Variants in CACNG2 observed in about 807,000 individuals in gnomAD.
The protein encoded by CACNG2 is calcium voltage-gated channel auxiliary subunit gamma 2.
CACNG2 carries 3 observed loss-of-function variants against 25.9 expected under a neutral mutation model. The observed-to-expected ratio is 0.12, with a 90% confidence interval of 0.05 to 0.30. The LOEUF (loss-of-function observed/expected upper bound fraction) is 0.30. CACNG2 is among the 10% of genes least tolerant of loss of function. The pLI is 1.00. For missense variants in CACNG2, 341 were observed against 432.5 expected (o/e 0.79, Z 1.88); for synonymous variants, 167 against 173.3 (o/e 0.96, Z 0.29).
chr22:36,577,373 C>T lies in CACNG2; in HGVS notation c.295+10092G>A, dbSNP rs112925809. 1.6e-3 allele frequency among the ~76,000 whole-genome samples: 246 copies of T among 152,140 alleles called. 2 individuals are homozygous for T. The highest frequency in any genetic ancestry group is 3.1e-3 in the African/African-American group (129 of 41,528). On this transcript the variant is annotated intron_variant, in intron 2 of 3. Coordinates refer to ENST00000300105, the MANE Select transcript of CACNG2 (RefSeq NM_006078.5). ...AGCCCTTAAAGAAATGAACCGGGGC[C>T]GGGCGCGGTGGTTCACACCTGTAAT...
At position 36,564,393 on chromosome 22, in the gene CACNG2, A is replaced by G; in HGVS notation, c.930T>C (p.Ser310=). The G allele has an allele frequency of 6.2e-7, 1 of 1,613,592 alleles. No homozygotes were observed. The highest frequency in any genetic ancestry group is 8.5e-7 in the Non-Finnish European group (1 of 1,179,866). The part of the protein sequence containing the change: ...HNCIQKENKD[S]LHSNTANRRT... ...GGCGGTTGGCTGTGTTGGAGTGGAG[A>G]GAGTCCTTGTTCTCCTTCTGGATAC... Residue 310 remains serine (S), a synonymous_variant, in exon 4 of 4, where the codon TCT becomes TCC. Coordinates refer to ENST00000300105, the MANE Select transcript of CACNG2 (RefSeq NM_006078.5). This position sits in a 1 kb window ranked among gnomAD's most constrained non-coding sequence, Gnocchi z 6.7.
At chr22:36,702,224 A>G (rs1179595635) in intron 1 of CACNG2, 142 bp downstream of exon 1, 4 of 653,770 alleles carry the variant, frequency 6.1e-6, no homozygotes, top group Non-Finnish European at 1.1e-5. Context: ...AAACTAACCC[A>G]ACCAACCTTG....
intron 1 of CACNG2, among the ~76,000 whole-genome samples, chr22:36,593,158 C>A (rs1356358349): frequency 6.6e-6 from 1 of 152,206 alleles, no homozygotes; most frequent in Non-Finnish European, 1.5e-5. Flanking sequence ...CCCCAGCCAG[C>A]TTCCCTGACA....
chr22:36,622,053 C>G (rs1383351986), intron 1 of CACNG2, among the ~76,000 whole-genome samples: 1 of 152,194 alleles, frequency 6.6e-6, no homozygotes, highest in East Asian at 1.9e-4. Context: ...TTCCAAACAC[C>G]ATTACAAAGA....
chr22:36,662,392 A>T (rs190124387), intron 1 of CACNG2, among the ~76,000 whole-genome samples: 1 of 151,486 alleles, frequency 6.6e-6, no homozygotes, highest in East Asian at 1.9e-4. Flanking sequence ...CAGTTCATTC[A>T]CTCCTTCATC....
intron 1 of CACNG2, among the ~76,000 whole-genome samples, chr22:36,628,480 G>A (rs966261306): frequency 1.3e-5 from 2 of 152,208 alleles, no homozygotes; most frequent in Admixed American, 1.3e-4. Context: ...CTCTCCGTAG[G>A]AGCCCCAGAA....
At chr22:36,658,623 T>C (rs1020263595) in intron 1 of CACNG2, among the ~76,000 whole-genome samples, 1 of 152,190 alleles carries the variant, frequency 6.6e-6, no homozygotes, top group Non-Finnish European at 1.5e-5. Context: ...CTTCCGTCCT[T>C]TATTCAACAC....
intron 1 of CACNG2, among the ~76,000 whole-genome samples, chr22:36,608,182 A>G (rs1354592411): frequency 6.6e-6 from 1 of 152,142 alleles, no homozygotes; most frequent in African/African-American, 2.4e-5. Context: ...GATGCTGAAG[A>G]GAGAATTTCT....
intron 2 of CACNG2, among the ~76,000 whole-genome samples, chr22:36,576,569 TGTGC>T (rs1169831792): frequency 6.7e-6 from 1 of 148,744 alleles, no homozygotes; most frequent in African/African-American, 2.5e-5. Context: ...TGCCTCTGTG[TGTGC>T]GTGTGTGTGT....
At chr22:36,629,136 T>C (rs1453798609) in intron 1 of CACNG2, among the ~76,000 whole-genome samples, 1 of 152,232 alleles carries the variant, frequency 6.6e-6, no homozygotes, top group Non-Finnish European at 1.5e-5. Flanking sequence ...GGAATTAGGA[T>C]GCTCTTCAAA....
At chr22:36,625,478 A>C (rs1936170816) in intron 1 of CACNG2, among the ~76,000 whole-genome samples, 1 of 152,198 alleles carries the variant, frequency 6.6e-6, no homozygotes, top group African/African-American at 2.4e-5. Context: ...TGGTGTCCCC[A>C]GGGTCTAGAT....
intron 1 of CACNG2, among the ~76,000 whole-genome samples, chr22:36,603,513 G>T (rs1359096687): frequency 6.6e-6 from 1 of 152,170 alleles, no homozygotes; most frequent in Non-Finnish European, 1.5e-5. Flanking sequence ...TGCCATCTAG[G>T]ATTTTCATAG....
intron 3 of CACNG2, among the ~76,000 whole-genome samples, chr22:36,565,308 G>A (rs35135975): frequency 0.071 from 10,837 of 152,258 alleles, 403 homozygotes; most frequent in Middle Eastern, 0.11. Flanking sequence ...GTGTAGCAGC[G>A]GGTGAAGGCG....
intron 1 of CACNG2, among the ~76,000 whole-genome samples, chr22:36,617,919 G>A (rs372890615): frequency 2.6e-5 from 4 of 152,080 alleles, no homozygotes; most frequent in East Asian, 1.9e-4. Context: ...AGTCCTACAC[G>A]TTTTAGCTGC....
chr22:36,622,444 G>T (rs1936120023), intron 1 of CACNG2, among the ~76,000 whole-genome samples: 1 of 152,194 alleles, frequency 6.6e-6, no homozygotes, highest in Admixed American at 6.5e-5. Flanking sequence ...TGAGGTCCAG[G>T]GATGGACTGG....
chr22:36,700,988 TG>T (rs1373997909), intron 1 of CACNG2, among the ~76,000 whole-genome samples: 1 of 152,146 alleles, frequency 6.6e-6, no homozygotes, highest in Non-Finnish European at 1.5e-5. Flanking sequence ...TTTCCGAAAG[TG>T]TGGCTTTTGC....
intron 1 of CACNG2, among the ~76,000 whole-genome samples, chr22:36,631,265 T>C (rs945515873): frequency 6.6e-6 from 1 of 152,112 alleles, no homozygotes; most frequent in Non-Finnish European, 1.5e-5. Context: ...TCCACTGCAA[T>C]GCAGTGGAGG....
chr22:36,650,934 A>G (rs1025042126), intron 1 of CACNG2, among the ~76,000 whole-genome samples: 3 of 152,152 alleles, frequency 2.0e-5, no homozygotes, highest in Non-Finnish European at 4.4e-5. Context: ...TGTTCTTTAG[A>G]TATTATTTGT....
intron 1 of CACNG2, among the ~76,000 whole-genome samples, chr22:36,613,880 C>T (rs1045520255): frequency 6.6e-6 from 1 of 152,082 alleles, no homozygotes; most frequent in Admixed American, 6.5e-5. Context: ...ACCTTGGAGT[C>T]ATCCTTGATT....
Sources: gnomAD v4.1 joint callset for allele counts (sites outside exome capture counted in the v4.1 genomes callset) on GRCh38, gnomAD v4.1.1 for gene constraint, Gnocchi (gnomAD v3.1) non-coding constraint, MANE v1.5 for transcripts, NCBI Gene and HGNC (gene_info 2026-07-23, HGNC 2026-07-21) for gene names.